PLCH2: variants seen among roughly 807,000 people sequenced by gnomAD.
PLCH2 encodes 1-phosphatidylinositol 4,5-bisphosphate phosphodiesterase eta-2.
Under a neutral mutation model 134.7 loss-of-function variants are expected in PLCH2, and 98 were observed. The observed-to-expected ratio is 0.73, with a 90% CI of 0.62 to 0.86. The LOEUF (loss-of-function observed/expected upper bound fraction) is 0.86, where lower values mean the gene tolerates loss of function less well. Among genes scored for constraint, PLCH2 ranks in the 40% least tolerant of loss-of-function variants. The pLI is 0.00. For synonymous variants in PLCH2, 974 were observed against 827.5 expected (o/e 1.18, Z -3.04); for missense variants, 1,994 against 1,986.6 (o/e 1.00, Z -0.07).
At chr1:2,497,297 G>A (rs904876201) in intron 15 of PLCH2, among the ~76,000 whole-genome samples, 17 of 152,264 alleles carry the variant, frequency 1.1e-4, no homozygotes, top group African/African-American at 4.1e-4. Flanking sequence ...GGCTGCGCCA[G>A]CTCCGGGGAT....
At chr1:2,421,845 A>C (rs1638529932), upstream of PLCH2, among the ~76,000 whole-genome samples, 1 of 150,754 alleles carries the variant, frequency 6.6e-6, no homozygotes, top group Non-Finnish European at 1.5e-5. Context: ...GTGGTGGCGC[A>C]TGCCTGTAAT....
At chr1:2,442,275 C>G (rs1355959674) in intron 2 of PLCH2, among the ~76,000 whole-genome samples, 1 of 152,172 alleles carries the variant, frequency 6.6e-6, no homozygotes, top group East Asian at 1.9e-4. Flanking sequence ...AGACTGAGGC[C>G]TCTCGTGAAT....
chr1:2,437,736 G>A (rs1025185031), intron 2 of PLCH2, among the ~76,000 whole-genome samples: 13 of 152,302 alleles, frequency 8.5e-5, no homozygotes, highest in South Asian at 2.1e-4. Context: ...GCACATACAC[G>A]TGTGCATACC....
intron 4 of PLCH2, among the ~76,000 whole-genome samples, chr1:2,483,570 A>AG (rs1207372484): frequency 6.6e-6 from 1 of 151,982 alleles, no homozygotes; most frequent in East Asian, 1.9e-4. Flanking sequence ...TCATGCTCTC[A>AG]CCCTGCCCTG....
chr1:2,481,574 A>C (rs964902019), intron 4 of PLCH2, among the ~76,000 whole-genome samples: 2 of 152,166 alleles, frequency 1.3e-5, no homozygotes, highest in African/African-American at 4.8e-5. Context: ...ATCCAGCACG[A>C]GTGTGCGTGG....
At chr1:2,441,641 G>C (rs1191330754) in intron 2 of PLCH2, among the ~76,000 whole-genome samples, 1 of 152,212 alleles carries the variant, frequency 6.6e-6, no homozygotes, top group African/African-American at 2.4e-5. Flanking sequence ...TGGGCATTAG[G>C]TCCCTGGTGT....
At chr1:2,481,030 G>A (rs368475934) in intron 4 of PLCH2, among the ~76,000 whole-genome samples, 7 of 152,254 alleles carry the variant, frequency 4.6e-5, no homozygotes, top group East Asian at 3.9e-4. Flanking sequence ...ACACGCACAC[G>A]CATGCACGTG....
At position 2,504,910 on chromosome 1, in the gene PLCH2, G is replaced by A. The variant is rs766498806; in HGVS notation, c.3948G>A (p.Thr1316=). 6.3e-6 allele frequency: 10 copies of A among 1,579,940 alleles called. No homozygotes were observed. Among genetic ancestry groups the A allele is most frequent in the Non-Finnish European group, 8.6e-6 (10 of 1,162,406 alleles). The change falls in exon 22 of 22, where the codon ACG becomes ACA. Residue 1316 remains threonine, a synonymous_variant. Coordinates refer to ENST00000378486, the MANE Select transcript of PLCH2 (RefSeq NM_014638.4). ...LTVFQQAGDI[T]SPTSLGPAGE... ...TCTTCCAGCAGGCAGGAGACATCAC[G>A]TCACCCACCAGCCTGGGCCCGGCTG...
At chr1:2,424,710 G>C (rs140445640), upstream of PLCH2, among the ~76,000 whole-genome samples, 1 of 152,038 alleles carries the variant, frequency 6.6e-6, no homozygotes, top group Non-Finnish European at 1.5e-5. Flanking sequence ...AAATTAGGCC[G>C]GGCGCGGTGG....
At chr1:2,483,599 T>C (rs1159000594) in intron 4 of PLCH2, among the ~76,000 whole-genome samples, 3 of 152,112 alleles carry the variant, frequency 2.0e-5, no homozygotes, top group Non-Finnish European at 4.4e-5. Context: ...TGGGCTCCCA[T>C]ACCCTTGTGA....
upstream of PLCH2, among the ~76,000 whole-genome samples, chr1:2,472,994 G>A (rs1372908880): frequency 4.6e-5 from 7 of 152,228 alleles, no homozygotes; most frequent in African/African-American, 9.6e-5. Flanking sequence ...GGGGAGAGGC[G>A]GAGATGCTGA....
intron 11 of PLCH2, chr1:2,494,343 G>A: frequency 5.7e-6 from 1 of 176,864 alleles, no homozygotes; most frequent in Non-Finnish European, 1.2e-5. Context: ...GTGGTTTCCT[G>A]GGGTTCCCCA....
Position 2,505,257 on chromosome 1 carries a change from G to A in PLCH2, c.*44G>A, listed in dbSNP as rs1557428265. 6.9e-7 allele frequency: 1 copy of A among 1,445,802 alleles called. No individual in the cohort carries two copies. Among genetic ancestry groups the A allele is most frequent in the Non-Finnish European group, 9.3e-7 (1 of 1,072,772 alleles). The allele number at this position is 1,445,802 out of a possible 1,614,324, so 89.6% of individuals were successfully genotyped here. A position where few individuals can be genotyped will look rare whatever the true frequency, so the allele number is the denominator to read the frequency against. On this transcript the variant is annotated 3_prime_UTR_variant, in exon 22 of 22. Coordinates refer to ENST00000378486, the MANE Select transcript of PLCH2 (RefSeq NM_014638.4). ...TGGGCGGCTCTGGAGGCCCAGGGCAGGGGTGGGCGTGTTGTTTGCTCAGGA... is the reference window on the plus strand; with the variant it reads ...TGGGCGGCTCTGGAGGCCCAGGGCAAGGGTGGGCGTGTTGTTTGCTCAGGA...
chr1:2,505,062 G>C lies in PLCH2; in HGVS notation c.4100G>C (p.Gly1367Ala). 6.5e-7 allele frequency: 1 copy of C among 1,539,344 alleles called. No individual in the cohort carries two copies. Among genetic ancestry groups the C allele is most frequent in the Non-Finnish European group, 8.7e-7 (1 of 1,149,928 alleles). ...CGGCAGCAGAGACTGCAGGGCCTGG[G>C]CCGGCAGGGACCCCCAGAAGAGGAG... The part of the protein sequence containing the change: ...QERQQRLQGL[G>A]RQGPPEEERG... Residue 1367 changes from glycine to alanine, a missense_variant, in exon 22 of 22, where the codon GGC becomes GCC. By Grantham distance (60) the Gly-to-Ala change is moderately conservative. Around this residue, in one of 2 missense-constraint regions of PLCH2, gnomAD observed 900 missense variants for 752.3 expected, o/e 1.20. Transcript: ENST00000378486.
intron 5 of PLCH2, among the ~76,000 whole-genome samples, chr1:2,485,111 G>A (rs1276417112): frequency 6.6e-6 from 1 of 152,170 alleles, no homozygotes; most frequent in South Asian, 2.1e-4. Flanking sequence ...CCACTCACCT[G>A]TTTGTCCAGC....
intron 21 of PLCH2, 74 bp downstream of exon 21, chr1:2,502,483 G>A (rs12146018): frequency 7.0e-7 from 1 of 1,423,228 alleles, no homozygotes. Context: ...ACGGCCCCGG[G>A]CCTGCTGGGA....
chr1:2,480,180 A>G lies in PLCH2; in HGVS notation c.516-3A>G. On this transcript the variant is annotated splice_polypyrimidine_tract_variant and splice_region_variant and intron_variant, in intron 3 of 21. Transcript: ENST00000378486. ...CGCTGTTGGCCCCTAACTCGGCACC[A>G]AAGTGGCTGAAGCAGACGTTTGACG... is the stretch of plus-strand genomic sequence containing the variant. 6.2e-7 allele frequency: 1 copy of G among 1,612,782 alleles called. No individual in the cohort carries two copies. The highest frequency in any genetic ancestry group is 8.5e-7 in the Non-Finnish European group (1 of 1,179,792).
chr1:2,496,750 C>A (rs771020662), intron 14 of PLCH2, 46 bp downstream of exon 14: 3 of 1,609,866 alleles, frequency 1.9e-6, no homozygotes, highest in African/African-American at 1.3e-5. Flanking sequence ...GCCTCCCTGT[C>A]CCCCATCCCT....
In PLCH2 at chr1:2,502,377, C is replaced by T. The variant is rs1643277928; in HGVS notation, c.2927C>T (p.Ala976Val). Residue 976 changes from alanine (A) to valine (V), a missense_variant, in exon 21 of 22, where the codon GCC (alanine) becomes GTC (valine). Transcript: ENST00000378486. ...CCCGGACCTGCTCCGGAAGCCCCAG[C>T]CCAGGAGGGGCCCGGCAGCGGCAGC... The part of the protein sequence containing the change: ...PGPGPAPEAP[A>V]QEGPGSGSPR... The T allele has an allele frequency of 3.2e-6, 5 of 1,543,882 alleles. No individual in the cohort carries two copies. In the South Asian group the frequency reaches 3.6e-5, roughly 11 times the overall value.
Sources: gnomAD v4.1 joint callset for allele counts (sites outside exome capture counted in the v4.1 genomes callset) on GRCh38, gnomAD v4.1.1 for gene constraint, gnomAD v4.1.1 regional missense constraint, MANE v1.5 for transcripts, NCBI Gene and HGNC (gene_info 2026-07-23, HGNC 2026-07-21) for gene names.